The following DCAF1 variants were observed in gnomAD, a reference collection of about 807,000 sequenced individuals.
DCAF1 encodes the protein DDB1 and CUL4 associated factor 1.
A neutral mutation model predicts 128.0 loss-of-function variants in DCAF1; 15 were observed. The observed-to-expected ratio is 0.12, with a 90% CI of 0.08 to 0.18. The LOEUF is 0.18. Among genes scored for constraint, DCAF1 ranks in the 10% least tolerant of loss-of-function variants. The pLI, the probability that DCAF1 is intolerant of heterozygous loss-of-function variation, is 1.00. For missense variants in DCAF1, 988 were observed against 1,649.5 expected (o/e 0.60, Z 6.95); for synonymous variants, 610 against 603.0 (o/e 1.01, Z -0.17).
chr3:51,500,799 C>T (rs1278070619), upstream of DCAF1, among the ~76,000 whole-genome samples: 2 of 144,084 alleles, frequency 1.4e-5, no homozygotes, highest in African/African-American at 5.1e-5. Context: ...CTCCCAGCCT[C>T]TTTTTTCTCT....
intron 3 of DCAF1, among the ~76,000 whole-genome samples, chr3:51,476,513 T>C (rs1379398954): frequency 7.2e-6 from 1 of 138,838 alleles, no homozygotes; most frequent in African/African-American, 2.7e-5. Flanking sequence ...ATCTCGATAA[T>C]GGTCTTACAA....
At chr3:51,452,164 C>T (rs1467424162) in intron 6 of DCAF1, among the ~76,000 whole-genome samples, 2 of 152,002 alleles carry the variant, frequency 1.3e-5, no homozygotes, top group African/African-American at 4.8e-5. Flanking sequence ...ATCTTCCCAC[C>T]TCAGACTCCC....
chr3:51,493,232 G>C (rs1019330750), intron 2 of DCAF1, among the ~76,000 whole-genome samples: 1 of 151,386 alleles, frequency 6.6e-6, no homozygotes, highest in Admixed American at 6.6e-5. Context: ...GATCTCCTGA[G>C]GTCGGGAGTT....
chr3:51,441,107 G>T, intron 8 of DCAF1, 36 bp from the exon 9 acceptor site: 1 of 1,562,860 alleles, frequency 6.4e-7, no homozygotes, highest in Non-Finnish European at 8.7e-7. Flanking sequence ...TTAAATTTTG[G>T]CTTTATTGTC....
chr3:51,398,622 GCTCT>G lies in DCAF1; in HGVS notation c.*143_*146del. On this transcript the variant is annotated 3_prime_UTR_variant, in exon 25 of 25. Coordinates refer to ENST00000684031, the MANE Select transcript of DCAF1 (RefSeq NM_001387579.1). The stretch of plus-strand genomic sequence containing the variant: ...GGAAGGACCCTCGGGTGCCAATGAG[GCTCT>G]CTAAGCCATAATCTTCTGAATGCAG... 9.3e-7 allele frequency: 1 copy of G among 1,070,992 alleles called. No homozygotes were observed. Among genetic ancestry groups the G allele is most frequent in the South Asian group, 1.6e-5 (1 of 61,584 alleles). 66.3% of individuals were successfully genotyped at this position (1,070,992 alleles called of 1,614,324 possible).
chr3:51,495,590 G>GT (rs1200254476), intron 2 of DCAF1, among the ~76,000 whole-genome samples: 6 of 151,518 alleles, frequency 4.0e-5, no homozygotes, highest in Admixed American at 2.6e-4. Flanking sequence ...AATTAACATA[G>GT]TATCAATGAA....
upstream of DCAF1, among the ~76,000 whole-genome samples, chr3:51,503,066 C>A: frequency 6.6e-6 from 1 of 152,148 alleles, no homozygotes; most frequent in African/African-American, 2.4e-5. Flanking sequence ...GCACATGGGT[C>A]CTGCACCATT....
chr3:51,425,454 A>C (rs1699817666), intron 13 of DCAF1, among the ~76,000 whole-genome samples: 1 of 152,038 alleles, frequency 6.6e-6, no homozygotes. Context: ...CCTGGGCAAC[A>C]GAGCAAGACT....
At chr3:51,442,379 A>G (rs1349152390) in intron 7 of DCAF1, among the ~76,000 whole-genome samples, 3 of 152,148 alleles carry the variant, frequency 2.0e-5, no homozygotes, top group African/African-American at 7.2e-5. Flanking sequence ...CCAACGCTAT[A>G]AAGTGGTACT....
At chr3:51,465,330 T>C (rs1704020372) in intron 5 of DCAF1, among the ~76,000 whole-genome samples, 2 of 152,098 alleles carry the variant, frequency 1.3e-5, no homozygotes, top group Admixed American at 1.3e-4. Flanking sequence ...GTCAGACACG[T>C]AAAATTCGAG....
intron 20 of DCAF1, among the ~76,000 whole-genome samples, 163 bp downstream of exon 20, chr3:51,413,787 A>G (rs1318680721): frequency 6.6e-6 from 1 of 152,228 alleles, no homozygotes; most frequent in South Asian, 2.1e-4. Context: ...CATTATTTTC[A>G]TATCTTTTGT....
chr3:51,493,262 A>G (rs966154748), intron 2 of DCAF1, among the ~76,000 whole-genome samples: 12 of 151,932 alleles, frequency 7.9e-5, no homozygotes, highest in Non-Finnish European at 1.5e-4. Context: ...CCTGACCAAC[A>G]TGGAGAAACC....
At chr3:51,463,308 T>C (rs1159113237) in intron 5 of DCAF1, 81 bp from the exon 6 acceptor site, 2 of 726,886 alleles carry the variant, frequency 2.8e-6, no homozygotes, top group South Asian at 2.7e-5. Context: ...CCTCAACATA[T>C]TCCCATTACT....
intron 2 of DCAF1, among the ~76,000 whole-genome samples, chr3:51,496,315 T>G (rs1553660935): frequency 6.6e-6 from 1 of 151,994 alleles, no homozygotes; most frequent in East Asian, 1.9e-4. Context: ...TAATCCCAGC[T>G]GCTCCGGAGG....
At chr3:51,492,021 T>C (rs1707707026) in intron 2 of DCAF1, among the ~76,000 whole-genome samples, 1 of 149,492 alleles carries the variant, frequency 6.7e-6, no homozygotes, top group Non-Finnish European at 1.5e-5. Context: ...CCAGGTGTGG[T>C]GGCACACACT....
intron 10 of DCAF1, among the ~76,000 whole-genome samples, chr3:51,430,752 C>G (rs1700296447): frequency 6.6e-6 from 1 of 151,940 alleles, no homozygotes; most frequent in Non-Finnish European, 1.5e-5. Flanking sequence ...TTTATTACTC[C>G]CAAAAGACTA....
intron 6 of DCAF1, among the ~76,000 whole-genome samples, chr3:51,461,856 G>A (rs1423462819): frequency 6.6e-6 from 1 of 151,968 alleles, no homozygotes; most frequent in African/African-American, 2.4e-5. Context: ...GGTGGGAATT[G>A]AACAATGAGA....
Position 51,432,088 on chromosome 3 carries a change from T to C in DCAF1, c.1287+1018A>G, listed in dbSNP as rs1477249692. ...GAGTTCGAGACCAGCCTGGCCAACG[T>C]GCTGAAACTCTGTCTTTACTACAAA... On this transcript the variant is annotated intron_variant, in intron 10 of 24. Transcript: ENST00000684031. Among the ~76,000 whole-genome samples the C allele has an allele frequency of 2.0e-5, 3 of 151,274 alleles. No homozygotes were observed. In the East Asian group the frequency reaches 5.9e-4, roughly 29 times the overall value.
chr3:51,403,589 G>A lies in DCAF1; in HGVS notation c.4213-194C>T, dbSNP rs138196384. Among the ~76,000 whole-genome samples the A allele has an allele frequency of 1.8e-3, 280 of 152,286 alleles. 1 individual carries two copies. Among genetic ancestry groups the A allele is most frequent in the Middle Eastern group, 0.017 (5 of 294 alleles). On this transcript the variant is annotated intron_variant, in intron 23 of 24. Transcript: ENST00000684031. ...GATAGGCACACATGTCCCTCAAGAC[G>A]GTCAAAGCACCCCTCAGACAAGGAT...
Sources: gnomAD v4.1 joint callset for allele counts (sites outside exome capture counted in the v4.1 genomes callset) on GRCh38, gnomAD v4.1.1 for gene constraint, MANE v1.5 for transcripts, NCBI Gene and HGNC (gene_info 2026-07-23, HGNC 2026-07-21) for gene names.